Variants in FAM169A observed in about 807,000 individuals in gnomAD.
FAM169A encodes soluble lamin-associated protein of 75 kDa.
In FAM169A, 24 loss-of-function variants were observed where a neutral mutation model predicts 75.7. That is an observed-to-expected ratio of 0.32 (90% CI 0.23 to 0.45). The LOEUF (loss-of-function observed/expected upper bound fraction) is 0.45. FAM169A is among the 20% of genes least tolerant of loss of function. The probability of loss-of-function intolerance (pLI) is 1.00; values close to 1 mark genes in which losing one functional copy is unlikely to be tolerated. For synonymous variants in FAM169A, 271 were observed against 271.0 expected (o/e 1.00, Z 0.00); for missense variants, 673 against 784.0 (o/e 0.86, Z 1.69).
chr5:74,849,281 A>G (rs1749317352), intron 1 of FAM169A, among the ~76,000 whole-genome samples: 1 of 152,196 alleles, frequency 6.6e-6, no homozygotes, highest in African/African-American at 2.4e-5. Flanking sequence ...AAGCATGAAA[A>G]GAGTTAGAAA....
chr5:74,829,673 C>G (rs925665101), intron 5 of FAM169A, among the ~76,000 whole-genome samples: 2 of 151,962 alleles, frequency 1.3e-5, no homozygotes, highest in Non-Finnish European at 2.9e-5. Flanking sequence ...AATAATTAAA[C>G]GACCCTTTAC....
intron 6 of FAM169A, among the ~76,000 whole-genome samples, chr5:74,811,475 A>G (rs1379814772): frequency 6.6e-6 from 1 of 152,166 alleles, no homozygotes; most frequent in African/African-American, 2.4e-5. Flanking sequence ...TCATGTATGG[A>G]TTTAGAGAGA....
chr5:74,860,882 A>G (rs1469203929), intron 1 of FAM169A, among the ~76,000 whole-genome samples: 1 of 151,818 alleles, frequency 6.6e-6, no homozygotes, highest in East Asian at 1.9e-4. Flanking sequence ...TCATGCCTGC[A>G]ATCCCAGAAC....
At chr5:74,822,316 T>G (rs1327542795) in intron 5 of FAM169A, among the ~76,000 whole-genome samples, 1 of 152,178 alleles carries the variant, frequency 6.6e-6, no homozygotes, top group African/African-American at 2.4e-5. Context: ...TTCATTATTT[T>G]GTAAAGAACT....
At chr5:74,812,028 G>T (rs1747220354) in intron 6 of FAM169A, among the ~76,000 whole-genome samples, 1 of 152,234 alleles carries the variant, frequency 6.6e-6, no homozygotes, top group East Asian at 1.9e-4. Context: ...TAATTGGGTA[G>T]AAGTACATAG....
At chr5:74,831,640 T>A (rs1748314819) in intron 5 of FAM169A, among the ~76,000 whole-genome samples, 1 of 152,146 alleles carries the variant, frequency 6.6e-6, no homozygotes, top group Non-Finnish European at 1.5e-5. Flanking sequence ...TTGTTGGCGC[T>A]CAGAATGTTT....
At chr5:74,799,748 G>A in intron 10 of FAM169A, 1 of 1,142,780 alleles carries the variant, frequency 8.8e-7, no homozygotes, top group Non-Finnish European at 1.3e-6. Context: ...TCCTGAGTGT[G>A]TCATCTGTCT....
At chr5:74,809,116 AG>A (rs1487037835) in intron 6 of FAM169A, among the ~76,000 whole-genome samples, 4 of 152,354 alleles carry the variant, frequency 2.6e-5, no homozygotes, top group African/African-American at 7.2e-5. Flanking sequence ...TACTTCCAAA[AG>A]GAAAGAAAAA....
intron 1 of FAM169A, among the ~76,000 whole-genome samples, chr5:74,846,822 A>C (rs1339618657): frequency 6.6e-6 from 1 of 152,130 alleles, no homozygotes; most frequent in African/African-American, 2.4e-5. Flanking sequence ...CTCAGCCTCC[A>C]GTGTGATTAT....
intron 6 of FAM169A, 58 bp from the exon 7 acceptor site, chr5:74,805,342 AG>A: frequency 6.4e-7 from 1 of 1,566,294 alleles, no homozygotes; most frequent in Non-Finnish European, 8.7e-7. Flanking sequence ...TTTGAAAAAC[AG>A]GAGTTGAAAA....
intron 5 of FAM169A, among the ~76,000 whole-genome samples, chr5:74,824,163 A>G (rs1034078973): frequency 6.6e-6 from 1 of 152,194 alleles, no homozygotes; most frequent in Non-Finnish European, 1.5e-5. Context: ...GTAGTGGGCT[A>G]AACTGACTTA....
Position 74,780,027 on chromosome 5 carries a change from A to G in FAM169A, c.*1433T>C, listed in dbSNP as rs1745332674. On this transcript the variant is annotated 3_prime_UTR_variant, in exon 13 of 13. Coordinates refer to ENST00000687041, the MANE Select transcript of FAM169A (RefSeq NM_001376049.1). ...AAGTGCAAATTTGAGTACACATAAT[A>G]TTTCCAAAGAGTAGAACTGTTTTTA... The G allele has an allele frequency of 6.6e-6, 1 of 152,136 alleles. No individual in the cohort carries two copies. The highest frequency in any genetic ancestry group is 2.1e-4 in the South Asian group (1 of 4,834). 9.4% of individuals were successfully genotyped at this position (152,136 alleles called of 1,614,324 possible).
intron 11 of FAM169A, among the ~76,000 whole-genome samples, chr5:74,791,562 G>A (rs184060407): frequency 6.6e-6 from 1 of 152,308 alleles, no homozygotes; most frequent in African/African-American, 2.4e-5. Flanking sequence ...AGTGTTGGCT[G>A]GGGTGACTGA....
At chr5:74,850,185 C>T (rs1749367432) in intron 1 of FAM169A, among the ~76,000 whole-genome samples, 1 of 152,184 alleles carries the variant, frequency 6.6e-6, no homozygotes, top group Non-Finnish European at 1.5e-5. Context: ...GAAACAAAGA[C>T]ACAAAGTGGC....
chr5:74,786,450 G>A (rs1297018150), intron 11 of FAM169A, among the ~76,000 whole-genome samples: 1 of 152,134 alleles, frequency 6.6e-6, no homozygotes. Flanking sequence ...TAATAGTATG[G>A]AGAACACTGA....
chr5:74,814,107 A>T (rs1747348029), intron 5 of FAM169A, 88 bp from the exon 6 acceptor site: 1 of 1,140,240 alleles, frequency 8.8e-7, no homozygotes, highest in Admixed American at 2.9e-5. Context: ...TCTTTCTAAA[A>T]AAAGTTTTCT....
chr5:74,850,873 C>T (rs977135315), intron 1 of FAM169A, among the ~76,000 whole-genome samples: 12 of 152,082 alleles, frequency 7.9e-5, no homozygotes, highest in African/African-American at 2.9e-4. Context: ...AAACAAACCA[C>T]TTCTTTTTTT....
At position 74,838,948 on chromosome 5, in the gene FAM169A, T is replaced by C; in HGVS notation, c.318+17A>G. The stretch of plus-strand genomic sequence containing the variant: ...ATGGCCTCAAAAGAAACACTCAAAA[T>C]TAGAGGATCTTGTTACCTGCTTAAG... On this transcript the variant is annotated intron_variant, in intron 4 of 12. Coordinates refer to ENST00000687041, the MANE Select transcript of FAM169A (RefSeq NM_001376049.1). The C allele has an allele frequency of 6.3e-7, 1 of 1,578,212 alleles. No homozygotes were observed. Among genetic ancestry groups the C allele is most frequent in the Non-Finnish European group, 8.7e-7 (1 of 1,147,362 alleles).
At chr5:74,856,813 GA>G (rs60985381) in intron 1 of FAM169A, among the ~76,000 whole-genome samples, 2,292 of 112,406 alleles carry the variant, frequency 0.02, 55 homozygotes, top group African/African-American at 0.066. Context: ...CACATTTTAA[GA>G]AAAAAAAAAA....
Sources: allele counts gnomAD v4.1 joint callset (sites outside exome capture counted in the v4.1 genomes callset), GRCh38; gene constraint gnomAD v4.1.1; transcripts MANE v1.5; gene names NCBI Gene and HGNC (gene_info 2026-07-23, HGNC 2026-07-21).